RIF1: variants seen among roughly 807,000 people sequenced by gnomAD.
RIF1 encodes the protein replication timing regulatory factor 1.
In RIF1, 45 loss-of-function variants were observed where a neutral mutation model predicts 247.1. The observed-to-expected ratio is 0.18, with a 90% CI of 0.14 to 0.23. The LOEUF (loss-of-function observed/expected upper bound fraction) is 0.23, where lower values mean the gene tolerates loss of function less well. RIF1 is among the 10% of genes least tolerant of loss of function. RIF1 has a pLI of 1.00. For missense variants in RIF1, 2,967 were observed against 2,862.5 expected (o/e 1.04, Z -0.83); for synonymous variants, 1,087 against 978.8 (o/e 1.11, Z -2.06).
At chr2:151,512,824 T>G, downstream of RIF1, 1 of 1,610,526 alleles carries the variant, frequency 6.2e-7, no homozygotes, top group East Asian at 2.2e-5. Context: ...TTCTGCTGAT[T>G]GCTTATACTT....
Position 151,464,064 on chromosome 2 carries a change from G to A in RIF1, c.4544G>A (p.Gly1515Glu). 2 of 1,613,170 alleles carry A rather than the reference G, an allele frequency of 1.2e-6. No individual in the cohort carries two copies. The highest frequency in any genetic ancestry group is 2.2e-5 in the South Asian group (2 of 90,878). Residue 1515 changes from glycine (G) to glutamate (E), a missense_variant, in exon 30 of 36, where the codon GGG becomes GAG. By Grantham distance (98) the Gly-to-Glu change is moderately conservative (BLOSUM62 -2). This residue lies in a region of RIF1 where 2,028 missense variants were observed against 1,825.6 expected (regional missense o/e 1.11). Transcript: ENST00000444746. Reference sequence around the variant, plus strand: ...GACCCTGAGAACATTAAGTCTGAGGGGGATGGTACCCAGGACATTGTAGAT... The same window carrying A: ...GACCCTGAGAACATTAAGTCTGAGGAGGATGGTACCCAGGACATTGTAGAT... Reference protein sequence around the residue: ...KADPENIKSEGDGTQDIVDKS... With the variant: ...KADPENIKSEEDGTQDIVDKS...
At chr2:151,411,369 C>G (rs756912315) in intron 3 of RIF1, 31 bp downstream of exon 3, 40 of 1,343,962 alleles carry the variant, frequency 3.0e-5, no homozygotes, top group Non-Finnish European at 6.2e-6. Context: ...CAGTTTTTCA[C>G]TTTTGGTAGT....
chr2:151,458,565 A>G (rs1033598030), intron 24 of RIF1, among the ~76,000 whole-genome samples: 4 of 152,120 alleles, frequency 2.6e-5, no homozygotes, highest in Non-Finnish European at 5.9e-5. Context: ...TGAATACTTT[A>G]TATAATATTC....
At chr2:151,452,605 G>A (rs1694509904) in intron 21 of RIF1, among the ~76,000 whole-genome samples, 1 of 152,118 alleles carries the variant, frequency 6.6e-6, no homozygotes, top group Admixed American at 6.5e-5. Context: ...TGAGTGCCGT[G>A]GAAATATAGG....
At chr2:151,421,837 ATTTTT>A (rs35077506) in intron 7 of RIF1, among the ~76,000 whole-genome samples, 3 of 142,352 alleles carry the variant, frequency 2.1e-5, no homozygotes, top group African/African-American at 7.7e-5. Flanking sequence ...GACATATATA[ATTTTT>A]TTTTTTTTTT....
At chr2:151,470,807 A>G (rs1396553535) in intron 34 of RIF1, among the ~76,000 whole-genome samples, 1 of 152,118 alleles carries the variant, frequency 6.6e-6, no homozygotes, top group Non-Finnish European at 1.5e-5. Flanking sequence ...AACCAATACT[A>G]CTAGTAATTT....
In RIF1 at chr2:151,478,257, A is replaced by G. The variant is rs1423278492; in HGVS notation, c.*3186A>G. 6.6e-6 allele frequency: 1 copy of G among 152,244 alleles called. No individual in the cohort carries two copies. Among genetic ancestry groups the G allele is most frequent in the African/African-American group, 2.4e-5 (1 of 41,468 alleles). 9.4% of individuals were successfully genotyped at this position (152,244 alleles called of 1,614,324 possible). ...TTAAAAGCATGACTGAAGGCCCGGCAGGTGGATCACTTTGGCCCAGGAGTT... is the reference window on the plus strand; with the variant it reads ...TTAAAAGCATGACTGAAGGCCCGGCGGGTGGATCACTTTGGCCCAGGAGTT... On this transcript the variant is annotated 3_prime_UTR_variant, in exon 36 of 36. Transcript: ENST00000444746.
rs1215223350 is a variant in RIF1, at chr2:151,420,397, T to C, written c.693+18T>C. 5 of 1,611,544 alleles carry C rather than the reference T, an allele frequency of 3.1e-6. No homozygotes were observed. Among genetic ancestry groups the C allele is most frequent in the Non-Finnish European group, 4.2e-6 (5 of 1,177,970 alleles). Reference sequence around the variant, plus strand: ...TGACTACTGTGAGTGTTCTTTTATGTAAGAATTTTCTGGATACTGCATCGG... The same window carrying C: ...TGACTACTGTGAGTGTTCTTTTATGCAAGAATTTTCTGGATACTGCATCGG... On this transcript the variant is annotated intron_variant, in intron 7 of 35. Transcript: ENST00000444746.
the RIF1 span, chr2:151,534,406 G>T: frequency 9.1e-7 from 1 of 1,104,320 alleles, no homozygotes; most frequent in Non-Finnish European, 1.4e-6. Context: ...CAGAGGGCCA[G>T]AACATGTCAT....
the RIF1 span, chr2:151,519,058 C>G: frequency 6.2e-7 from 1 of 1,609,446 alleles, no homozygotes; most frequent in Non-Finnish European, 8.5e-7. Context: ...TCAGGTCAGC[C>G]TTGTATTTAA....
Position 151,474,850 on chromosome 2 carries a change from C to G in RIF1, c.7205-7C>G, listed in dbSNP as rs200480824. On this transcript the variant is annotated splice_region_variant and splice_polypyrimidine_tract_variant and intron_variant, in intron 35 of 35. Transcript: ENST00000444746. ...GATTTAATTGTGGTTTTTTTTTTCT[C>G]TTTTAGATATAATTGATCCTGTTGC... The G allele has an allele frequency of 2.5e-5, 35 of 1,409,268 alleles. 1 individual carries two copies. The African/African-American group carries it at 4.5e-4, about 18-fold the overall frequency. The allele number at this position is 1,409,268 out of a possible 1,614,324, so 87.3% of individuals were successfully genotyped here.
downstream of RIF1, among the ~76,000 whole-genome samples, chr2:151,484,396 GA>G (rs1396237185): frequency 6.6e-6 from 1 of 152,236 alleles, no homozygotes; most frequent in Non-Finnish European, 1.5e-5. Flanking sequence ...AGGAGTTCAA[GA>G]CCAGTCTGGC....
chr2:151,506,207 C>G (rs1559338128), intron 12 of RIF1: 2 of 1,613,810 alleles, frequency 1.2e-6, no homozygotes, highest in African/African-American at 2.7e-5. Context: ...CTCATCATCT[C>G]AGGTGTCTTT....
chr2:151,502,811 A>AT, intron 11 of RIF1: 1 of 1,601,398 alleles, frequency 6.2e-7, no homozygotes, highest in Non-Finnish European at 8.5e-7. Flanking sequence ...AGTTCTCTTG[A>AT]TTGCGTTTGA....
chr2:151,458,326 G>A (rs963216684), intron 24 of RIF1, among the ~76,000 whole-genome samples: 4 of 144,514 alleles, frequency 2.8e-5, no homozygotes, highest in Non-Finnish European at 3.0e-5. Flanking sequence ...TCTGCCTCCC[G>A]GGTTCAAGCG....
At chr2:151,445,569 G>T in intron 19 of RIF1, 124 bp downstream of exon 19, 1 of 652,706 alleles carries the variant, frequency 1.5e-6, no homozygotes, top group Admixed American at 2.6e-5. Flanking sequence ...TTTTTTTTGA[G>T]ACAGTCTCAC....
In RIF1 at chr2:151,473,949, C is replaced by T. The variant is rs376323624; in HGVS notation, c.7096-15C>T. 707 of 1,414,928 alleles carry T rather than the reference C, an allele frequency of 5.0e-4. 3 individuals carry two copies. Among genetic ancestry groups the T allele is most frequent in the Non-Finnish European group, 9.0e-5 (90 of 1,004,922 alleles). The allele number at this position is 1,414,928 out of a possible 1,614,324, so 87.6% of individuals were successfully genotyped here. ...TTGTTGTTTTGCGTTTTTTTCTGCT[C>T]CAACTGTAATCAAGGTGAAGACTCG... On this transcript the variant is annotated splice_polypyrimidine_tract_variant and intron_variant, in intron 34 of 35. Coordinates refer to ENST00000444746, the MANE Select transcript of RIF1 (RefSeq NM_018151.5).
At chr2:151,434,062 C>T (rs1197217654) in intron 10 of RIF1, among the ~76,000 whole-genome samples, 1 of 151,318 alleles carries the variant, frequency 6.6e-6, no homozygotes, top group Non-Finnish European at 1.5e-5. Flanking sequence ...GTCTCAGCTA[C>T]TCGGGAGGCT....
Position 151,463,897 on chromosome 2 carries a change from AGAT to A in RIF1, c.4382_4384del (p.Asp1461del), listed in dbSNP as rs1342218915. On this transcript the variant is annotated inframe_deletion, in exon 30 of 36. Transcript: ENST00000444746. ...TTCAGAAGAGTCCATTGCATATAAA[AGAT>A]GATGTGTTACCTAAACAAAAACTGA... 6.2e-7 allele frequency: 1 copy of A among 1,613,542 alleles called. No individual in the cohort carries two copies. The highest frequency in any genetic ancestry group is 1.3e-5 in the African/African-American group (1 of 74,910).
Sources: allele counts gnomAD v4.1 joint callset (sites outside exome capture counted in the v4.1 genomes callset), GRCh38; gene constraint gnomAD v4.1.1; regional missense constraint gnomAD v4.1.1; transcripts MANE v1.5; gene names NCBI Gene and HGNC (gene_info 2026-07-23, HGNC 2026-07-21).